MGAT5: variants seen among roughly 807,000 people sequenced by gnomAD.
The protein encoded by MGAT5 is alpha-1,6-mannosylglycoprotein 6-beta-N-acetylglucosaminyltransferase.
In MGAT5, 30 loss-of-function variants were observed where a neutral mutation model predicts 94.3. The ratio of observed to expected loss-of-function variants is 0.32; its 90% confidence interval spans 0.24 to 0.43. The LOEUF (loss-of-function observed/expected upper bound fraction) is 0.43. Among genes scored for constraint, MGAT5 ranks in the 20% least tolerant of loss-of-function variants. The pLI is 1.00. For missense variants in MGAT5, 691 were observed against 905.5 expected (o/e 0.76, Z 3.04); for synonymous variants, 310 against 322.9 (o/e 0.96, Z 0.43).
At chr2:134,249,097 A>G (rs989765972), upstream of MGAT5, among the ~76,000 whole-genome samples, 1 of 151,986 alleles carries the variant, frequency 6.6e-6, no homozygotes, top group African/African-American at 2.4e-5. Context: ...TGCTAGGCCC[A>G]TGGCCAGCCC....
chr2:134,135,423 G>GTGGC (rs1278132145), intron 1 of MGAT5, among the ~76,000 whole-genome samples: 2 of 152,116 alleles, frequency 1.3e-5, no homozygotes, highest in Non-Finnish European at 2.9e-5. Flanking sequence ...GCCTGGTGCG[G>GTGGC]TGGCTCACAC....
upstream of MGAT5, among the ~76,000 whole-genome samples, chr2:134,253,613 T>C (rs75756392): frequency 0.013 from 1,974 of 152,330 alleles, 20 homozygotes; most frequent in East Asian, 0.028. Flanking sequence ...GTGTACCTTT[T>C]CCTCATGTAG....
intron 1 of MGAT5, among the ~76,000 whole-genome samples, chr2:134,243,269 A>T (rs944719800): frequency 6.6e-6 from 1 of 152,120 alleles, no homozygotes; most frequent in Non-Finnish European, 1.5e-5. Flanking sequence ...TCTATTTTTT[A>T]AAGAGCAGTC....
intron 2 of MGAT5, among the ~76,000 whole-genome samples, chr2:134,283,833 G>A (rs549994210): frequency 6.6e-6 from 1 of 151,534 alleles, no homozygotes; most frequent in Non-Finnish European, 1.5e-5. Context: ...CCGGCCGCTG[G>A]GTTCTCTTTC....
intron 14 of MGAT5, among the ~76,000 whole-genome samples, chr2:134,433,193 G>C (rs1476968502): frequency 2.0e-5 from 3 of 152,170 alleles, no homozygotes. Flanking sequence ...TGTTTTGGGG[G>C]TTCACCCATG....
chr2:134,448,987 GC>G lies in MGAT5; in HGVS notation c.*143del, dbSNP rs945928389. The G allele has an allele frequency of 2.5e-6, 2 of 811,910 alleles. No individual in the cohort carries two copies. The highest frequency in any genetic ancestry group is 5.1e-5 in the Admixed American group (2 of 39,570). 50.3% of individuals were successfully genotyped at this position (811,910 alleles called of 1,614,324 possible). Reference sequence around the variant, plus strand: ...TCGTAGAAGGTTCTGAATTGGCATTGCCCTTGCTGCACTCCGAGCAACCCAG... The same window carrying G: ...TCGTAGAAGGTTCTGAATTGGCATTGCCTTGCTGCACTCCGAGCAACCCAG... On this transcript the variant is annotated 3_prime_UTR_variant, in exon 16 of 16. Transcript: ENST00000281923.
At chr2:134,389,265 T>C (rs1380699060) in intron 10 of MGAT5, among the ~76,000 whole-genome samples, 1 of 152,208 alleles carries the variant, frequency 6.6e-6, no homozygotes, top group South Asian at 2.1e-4. Flanking sequence ...AATTTAAATA[T>C]ATTTGTTTTC....
intron 10 of MGAT5, among the ~76,000 whole-genome samples, chr2:134,401,543 G>C (rs866367254): frequency 5.3e-5 from 8 of 152,288 alleles, no homozygotes; most frequent in Admixed American, 1.3e-4. Flanking sequence ...AGCTGTGGGT[G>C]GGGGCAGGAG....
intron 10 of MGAT5, among the ~76,000 whole-genome samples, chr2:134,386,157 T>G (rs1681960065): frequency 6.6e-6 from 1 of 152,220 alleles, no homozygotes; most frequent in Non-Finnish European, 1.5e-5. Flanking sequence ...AGCTTGCAGT[T>G]GGACCATGGA....
chr2:134,305,106 C>T (rs950521630), intron 2 of MGAT5, among the ~76,000 whole-genome samples: 1 of 152,176 alleles, frequency 6.6e-6, no homozygotes, highest in African/African-American at 2.4e-5. Flanking sequence ...CTCTGTCCTA[C>T]TTTCTCTAGG....
At chr2:134,299,714 G>A (rs1685904407) in intron 2 of MGAT5, among the ~76,000 whole-genome samples, 1 of 152,214 alleles carries the variant, frequency 6.6e-6, no homozygotes, top group African/African-American at 2.4e-5. Flanking sequence ...CAGATTGGAT[G>A]TGTACAGACT....
intron 2 of MGAT5, among the ~76,000 whole-genome samples, chr2:134,316,559 G>A (rs1687010507): frequency 6.6e-6 from 1 of 152,080 alleles, no homozygotes; most frequent in Non-Finnish European, 1.5e-5. Flanking sequence ...TAGACCGTAA[G>A]CTTCATTTAA....
intron 1 of MGAT5, among the ~76,000 whole-genome samples, chr2:134,232,337 C>T (rs977717046): frequency 6.6e-6 from 1 of 152,132 alleles, no homozygotes; most frequent in Non-Finnish European, 1.5e-5. Context: ...AGTGATTTAC[C>T]TGCCATTTGG....
At chr2:134,406,731 C>CA (rs60622551) in intron 11 of MGAT5, among the ~76,000 whole-genome samples, 4,041 of 134,228 alleles carry the variant, frequency 0.03, 143 homozygotes, top group African/African-American at 0.079. Context: ...CAAAAAATAC[C>CA]AAAAAAAAAA....
intron 9 of MGAT5, among the ~76,000 whole-genome samples, chr2:134,352,192 T>C (rs951995582): frequency 4.6e-5 from 7 of 152,142 alleles, no homozygotes; most frequent in African/African-American, 1.7e-4. Context: ...ACTAAGCACC[T>C]CATATATATG....
At chr2:134,401,245 C>T (rs1006784065) in intron 10 of MGAT5, among the ~76,000 whole-genome samples, 1 of 152,190 alleles carries the variant, frequency 6.6e-6, no homozygotes, top group Non-Finnish European at 1.5e-5. Flanking sequence ...AACTGGCAAC[C>T]AGCTTCCTCA....
Position 134,257,836 on chromosome 2 carries a change from C to CCTT in MGAT5, c.241+3192_241+3193insCTT, listed in dbSNP as rs781189819. ...TGCATAGGCCATTAGTTTGCAGTCT[C>CCTT]TTTTTTTTTTTTTTTTTTTGCCATA... On this transcript the variant is annotated intron_variant, in intron 1 of 15. Coordinates refer to ENST00000281923, the MANE Select transcript of MGAT5 (RefSeq NM_002410.5). Among the ~76,000 whole-genome samples, 29 of 106,430 alleles carry CCTT rather than the reference C, an allele frequency of 2.7e-4. 5 individuals are homozygous for CCTT. Among genetic ancestry groups the CCTT allele is most frequent in the Non-Finnish European group, 2.8e-4 (15 of 54,230 alleles). 69.8% of individuals were successfully genotyped at this position (106,430 alleles called of 152,430 possible). A position where few individuals can be genotyped will look rare whatever the true frequency, so the allele number is the denominator to read the frequency against.
At chr2:134,131,824 TG>T (rs1357126578) in intron 1 of MGAT5, among the ~76,000 whole-genome samples, 1 of 152,128 alleles carries the variant, frequency 6.6e-6, no homozygotes, top group Non-Finnish European at 1.5e-5. Flanking sequence ...TTTACAGGAC[TG>T]GGCTTGCACC....
At chr2:134,319,420 C>T (rs1265153623) in intron 4 of MGAT5, among the ~76,000 whole-genome samples, 1 of 151,968 alleles carries the variant, frequency 6.6e-6, no homozygotes, top group Non-Finnish European at 1.5e-5. Context: ...CAGGAAATCT[C>T]CTGGGTTTGT....
Sources: gnomAD v4.1 joint callset for allele counts (sites outside exome capture counted in the v4.1 genomes callset) on GRCh38, gnomAD v4.1.1 for gene constraint, MANE v1.5 for transcripts, NCBI Gene and HGNC (gene_info 2026-07-23, HGNC 2026-07-21) for gene names.